PAK5: variants seen among roughly 807,000 people sequenced by gnomAD.
The protein encoded by PAK5 is p21 (RAC1) activated kinase 5.
A neutral mutation model predicts 65.9 loss-of-function variants in PAK5; 16 were observed. The observed-to-expected ratio is 0.24, with a 90% CI of 0.16 to 0.37. The LOEUF is 0.37. Ranked by LOEUF, PAK5 falls within the 10% of genes least tolerant of loss-of-function variation. The probability of loss-of-function intolerance (pLI) is 1.00; values close to 1 mark genes in which losing one functional copy is unlikely to be tolerated. For missense variants in PAK5, 785 were observed against 903.9 expected (o/e 0.87, Z 1.69); for synonymous variants, 371 against 354.9 (o/e 1.05, Z -0.51).
In PAK5 at chr20:9,778,491, GC is replaced by G. The variant is rs1480403823; in HGVS notation, c.-162+60270del. Among the ~76,000 whole-genome samples, 6 of 152,126 alleles carry G rather than the reference GC, an allele frequency of 3.9e-5. No homozygotes were observed. In the East Asian group the frequency reaches 1.2e-3, roughly 29 times the overall value. On this transcript the variant is annotated intron_variant, in intron 1 of 9. Transcript: ENST00000353224. The stretch of plus-strand genomic sequence containing the variant: ...GGCATCAACCAATCCACCTACATTG[GC>G]CTCCCAAAGGACTGGGATTACAGGT...
intron 1 of PAK5, among the ~76,000 whole-genome samples, chr20:9,825,278 G>A (rs2049470267): frequency 6.6e-6 from 1 of 152,082 alleles, no homozygotes; most frequent in Non-Finnish European, 1.5e-5. Context: ...AAAAACTCTA[G>A]GGACAACTCT....
intron 3 of PAK5, among the ~76,000 whole-genome samples, chr20:9,625,844 A>G (rs1044980476): frequency 2.6e-5 from 4 of 152,178 alleles, no homozygotes; most frequent in Admixed American, 2.6e-4. Flanking sequence ...TAACTTGAAA[A>G]TCTGAAGCGC....
chr20:9,712,718 ACTTACAGG>A, intron 1 of PAK5, among the ~76,000 whole-genome samples: 1 of 152,282 alleles, frequency 6.6e-6, no homozygotes, highest in East Asian at 1.9e-4. Flanking sequence ...AAATCCACGC[ACTTACAGG>A]CAACTAATTT....
chr20:9,800,692 T>A (rs1049280006), intron 1 of PAK5, among the ~76,000 whole-genome samples: 2 of 151,996 alleles, frequency 1.3e-5, no homozygotes, highest in Non-Finnish European at 2.9e-5. Context: ...ACAACCTTTG[T>A]TACCTCCACA....
chr20:9,571,874 T>TGG (rs35328499), intron 4 of PAK5, among the ~76,000 whole-genome samples: 1,193 of 39,254 alleles, frequency 0.03, 31 homozygotes, highest in East Asian at 0.058. Flanking sequence ...GCATGAATGA[T>TGG]GGGGGGGGGG....
intron 1 of PAK5, among the ~76,000 whole-genome samples, chr20:9,826,033 C>T (rs2049480023): frequency 1.3e-5 from 2 of 152,266 alleles, no homozygotes; most frequent in Admixed American, 6.5e-5. Context: ...GGGACTGTGA[C>T]AAAGTGAAGA....
chr20:9,560,495 G>T (rs1169002099), intron 6 of PAK5, among the ~76,000 whole-genome samples: 1 of 152,104 alleles, frequency 6.6e-6, no homozygotes, highest in Non-Finnish European at 1.5e-5. Context: ...GAGTAGCTAG[G>T]ACTACAGGGA....
rs55861453 is a variant in PAK5 at position 9,558,043 on chromosome 20, T to TATTTATTCATTCATTCATTC, written c.1617-310_1617-309insGAATGAATGAATGAATAAAT. On this transcript the variant is annotated intron_variant, in intron 6 of 9. Coordinates refer to ENST00000353224, the MANE Select transcript of PAK5 (RefSeq NM_177990.4). ...TTATTTATTTATTTATTTATTTATTTATTCATTCATTCATTCATTCATTCA... is the reference window on the plus strand; with the variant it reads ...TTATTTATTTATTTATTTATTTATTTATTTATTCATTCATTCATTCATTCATTCATTCATTCATTCATTCA... 1.1e-3 allele frequency among the ~76,000 whole-genome samples: 153 copies of TATTTATTCATTCATTCATTC among 138,946 alleles called. 1 individual carries two copies. Among genetic ancestry groups the TATTTATTCATTCATTCATTC allele is most frequent in the African/African-American group, 3.6e-3 (121 of 34,018 alleles). The allele number at this position is 138,946 out of a possible 152,430, so 91.2% of individuals were successfully genotyped here. A position where few individuals can be genotyped will look rare whatever the true frequency, so the allele number is the denominator to read the frequency against.
chr20:9,829,422 T>C (rs1466946533), intron 1 of PAK5, among the ~76,000 whole-genome samples: 2 of 152,222 alleles, frequency 1.3e-5, no homozygotes, highest in Non-Finnish European at 2.9e-5. Flanking sequence ...TTCTTGACTC[T>C]ATCTAGCTGC....
intron 1 of PAK5, among the ~76,000 whole-genome samples, chr20:9,802,122 G>A (rs1303588176): frequency 1.3e-5 from 2 of 152,172 alleles, no homozygotes; most frequent in African/African-American, 4.8e-5. Context: ...TTGGGTCACA[G>A]ATTAGCCCGA....
At chr20:9,641,853 G>A (rs973870773) in intron 3 of PAK5, among the ~76,000 whole-genome samples, 8 of 152,138 alleles carry the variant, frequency 5.3e-5, no homozygotes, top group East Asian at 3.9e-4. Flanking sequence ...CCCATTGCCC[G>A]GGGCCAGCAG....
intron 1 of PAK5, among the ~76,000 whole-genome samples, chr20:9,712,743 A>G (rs1420598730): frequency 6.6e-6 from 1 of 152,188 alleles, no homozygotes; most frequent in African/African-American, 2.4e-5. Flanking sequence ...ATTTTGCCAA[A>G]GGCTCCAAGA....
intron 1 of PAK5, among the ~76,000 whole-genome samples, chr20:9,727,515 T>C (rs1164407531): frequency 6.6e-6 from 1 of 152,200 alleles, no homozygotes; most frequent in Non-Finnish European, 1.5e-5. Flanking sequence ...TTTTAGTATC[T>C]GTCAGTAGAT....
rs548013203 is a variant in PAK5 at position 9,542,315 on chromosome 20, C to G, written c.2004+271G>C. On this transcript the variant is annotated intron_variant, in intron 9 of 9. Coordinates refer to ENST00000353224, the MANE Select transcript of PAK5 (RefSeq NM_177990.4). ...CTGAATGAATGAGTATGGCATAGAG[C>G]ACCTGATTTACTCTTCTAACCAACC... 1.2e-4 allele frequency among the ~76,000 whole-genome samples: 18 copies of G among 152,316 alleles called. No individual in the cohort carries two copies. In the East Asian group the frequency reaches 2.9e-3, roughly 24 times the overall value.
At chr20:9,735,206 A>G (rs1262420120) in intron 1 of PAK5, among the ~76,000 whole-genome samples, 5 of 152,208 alleles carry the variant, frequency 3.3e-5, no homozygotes, top group Non-Finnish European at 5.9e-5. Flanking sequence ...TGACTGAGCT[A>G]AGAGACCAAA....
In PAK5 at chr20:9,717,753, G is replaced by A. The variant is rs191425237; in HGVS notation, c.-161-6318C>T. On this transcript the variant is annotated intron_variant, in intron 1 of 9. Transcript: ENST00000353224. ...TCCTACCTCAGCCTCCCGAGTGGCT[G>A]GGATTACAGGTGCCCGCCACCATGA... 4.4e-3 allele frequency among the ~76,000 whole-genome samples: 677 copies of A among 152,260 alleles called. 3 individuals carry two copies. Among genetic ancestry groups the A allele is most frequent in the African/African-American group, 0.013 (547 of 41,562 alleles).
chr20:9,833,552 C>CT (rs957059063), intron 1 of PAK5, among the ~76,000 whole-genome samples: 1 of 151,680 alleles, frequency 6.6e-6, no homozygotes, highest in African/African-American at 2.4e-5. Flanking sequence ...CTCCACTCTC[C>CT]ACACCACCTG....
intron 4 of PAK5, among the ~76,000 whole-genome samples, chr20:9,568,075 G>A (rs1411874744): frequency 2.0e-5 from 3 of 152,178 alleles, no homozygotes; most frequent in Non-Finnish European, 4.4e-5. Flanking sequence ...TAAGGAAGAT[G>A]GGCCGAGAAG....
At chr20:9,676,900 TA>T (rs576818004) in intron 2 of PAK5, among the ~76,000 whole-genome samples, 66 of 152,294 alleles carry the variant, frequency 4.3e-4, no homozygotes, top group African/African-American at 1.5e-3. Flanking sequence ...ATTCTGACAA[TA>T]AAATTAGAGA....
Sources: gnomAD v4.1 joint callset for allele counts (sites outside exome capture counted in the v4.1 genomes callset) on GRCh38, gnomAD v4.1.1 for gene constraint, MANE v1.5 for transcripts, NCBI Gene and HGNC (gene_info 2026-07-23, HGNC 2026-07-21) for gene names.